APLP2: variants seen among roughly 807,000 people sequenced by gnomAD.
APLP2 encodes amyloid beta precursor like protein 2.
In APLP2, 53 loss-of-function variants were observed where a neutral mutation model predicts 89.9. That is an observed-to-expected ratio of 0.59 (90% CI 0.47 to 0.74). The LOEUF is 0.74. APLP2 is among the 30% of genes least tolerant of loss of function. APLP2 has a pLI of 0.00. For missense variants in APLP2, 973 were observed against 975.9 expected, an observed-to-expected ratio of 1.00 and a Z score of 0.04; for synonymous variants, 372 against 348.6, an observed-to-expected ratio of 1.07 and a Z score of -0.75.
intron 13 of APLP2, 96 bp from the exon 14 acceptor site, chr11:130,140,302 G>A: frequency 1.2e-6 from 1 of 859,264 alleles, no homozygotes; most frequent in Non-Finnish European, 1.8e-6. Flanking sequence ...CGTGTTGAGG[G>A]GCTCACTGGC....
At chr11:130,080,308 G>A (rs1280424141) in intron 1 of APLP2, among the ~76,000 whole-genome samples, 1 of 151,914 alleles carries the variant, frequency 6.6e-6, no homozygotes, top group African/African-American at 2.4e-5. Context: ...CTGGGTTCAG[G>A]TGCCTCCTGC....
At chr11:130,126,383 G>A (rs1366286308) in intron 7 of APLP2, among the ~76,000 whole-genome samples, 3 of 152,298 alleles carry the variant, frequency 2.0e-5, no homozygotes, top group East Asian at 3.9e-4. Context: ...AGGTTTCCAG[G>A]GTTCGAGCAC....
intron 4 of APLP2, 85 bp downstream of exon 4, chr11:130,120,903 T>C: frequency 1.1e-6 from 1 of 922,872 alleles, no homozygotes; most frequent in Non-Finnish European, 1.8e-6. Flanking sequence ...ACCATGCTTT[T>C]AAGTTAGTTA....
chr11:130,105,904 T>C (rs1947678444), intron 1 of APLP2, among the ~76,000 whole-genome samples: 2 of 152,076 alleles, frequency 1.3e-5, no homozygotes, highest in African/African-American at 2.4e-5. Flanking sequence ...GGTTTGTCCA[T>C]GTTGGTCAGT....
intron 3 of APLP2, among the ~76,000 whole-genome samples, chr11:130,117,304 G>A (rs1001804545): frequency 5.9e-5 from 9 of 152,216 alleles, no homozygotes; most frequent in East Asian, 1.9e-4. Flanking sequence ...TGGCATTTCC[G>A]AAAAGGTTTT....
At position 130,130,092 on chromosome 11, in the gene APLP2, C is replaced by T. The variant is rs775965049; in HGVS notation, c.1510C>T (p.Arg504Cys). ...RRYVRAENKD[R>C]LHTIRHYQHV... ...TTATGTCCGTGCTGAGAACAAAGAT[C>T]GCTTACATACCATCCGTCATTACCA... is the stretch of plus-strand genomic sequence containing the variant. The change falls in exon 11 of 17, where the codon CGC (arginine) becomes TGC (cysteine). Residue 504 changes from arginine (R) to cysteine (C), a missense_variant. Transcript: ENST00000338167. The T allele has an allele frequency of 6.8e-6, 11 of 1,614,110 alleles. No individual in the cohort carries two copies. Among genetic ancestry groups the T allele is most frequent in the Non-Finnish European group, 9.3e-6 (11 of 1,180,036 alleles).
chr11:130,097,659 CAG>C (rs976163175), intron 1 of APLP2, among the ~76,000 whole-genome samples: 68 of 152,226 alleles, frequency 4.5e-4, no homozygotes, highest in African/African-American at 1.6e-3. Flanking sequence ...GCCTGGGCGA[CAG>C]AGTGAAACTC....
intron 1 of APLP2, among the ~76,000 whole-genome samples, chr11:130,093,320 C>G (rs1591784531): frequency 6.6e-6 from 1 of 152,206 alleles, no homozygotes; most frequent in East Asian, 1.9e-4. Context: ...GAGAACAAAA[C>G]AAGAAGAAAA....
At position 130,070,025 on chromosome 11, in the gene APLP2, G is replaced by T. The variant is rs1182726686; in HGVS notation, c.48G>T (p.Leu16=). The T allele has an allele frequency of 2.0e-6, 3 of 1,513,562 alleles. No individual in the cohort carries two copies. The highest frequency in any genetic ancestry group is 5.5e-5 in the East Asian group (2 of 36,464). 93.8% of individuals were successfully genotyped at this position (1,513,562 alleles called of 1,614,324 possible). ...CCGCCGCAGCCACGGGCAGGCTCCT[G>T]CTTCTGCTGCTGGTGGGGCTCACGG... The part of the protein sequence containing the change: ...TAAAAATGRL[L]LLLLVGLTAP... The change falls in exon 1 of 17, where the codon CTG becomes CTT. Residue 16 remains leucine, a synonymous_variant. Transcript: ENST00000338167.
At chr11:130,085,164 A>G (rs1943911548) in intron 1 of APLP2, among the ~76,000 whole-genome samples, 1 of 151,534 alleles carries the variant, frequency 6.6e-6, no homozygotes, top group African/African-American at 2.4e-5. Context: ...AAAACCTCCC[A>G]ACAGGCTGAG....
intron 1 of APLP2, among the ~76,000 whole-genome samples, chr11:130,075,969 G>T (rs1258098150): frequency 6.6e-6 from 1 of 152,180 alleles, no homozygotes; most frequent in Non-Finnish European, 1.5e-5. Flanking sequence ...ACCCTTTGAA[G>T]TATGTAATTA....
intron 1 of APLP2, among the ~76,000 whole-genome samples, chr11:130,089,188 C>G (rs1213956369): frequency 3.3e-5 from 5 of 152,236 alleles, no homozygotes; most frequent in African/African-American, 1.2e-4. Flanking sequence ...CTGTCACTTT[C>G]CTATTCACAC....
intron 1 of APLP2, among the ~76,000 whole-genome samples, chr11:130,073,344 TTC>T (rs1007382215): frequency 2.0e-5 from 3 of 152,234 alleles, no homozygotes; most frequent in African/African-American, 7.2e-5. Flanking sequence ...CACATTGTAT[TTC>T]TGTTAGATGG....
At position 130,144,298 on chromosome 11, in the gene APLP2, G is replaced by C. The variant is rs1440567680; in HGVS notation, c.*850G>C. 2 of 152,254 alleles carry C rather than the reference G, an allele frequency of 1.3e-5. No individual in the cohort carries two copies. Among genetic ancestry groups the C allele is most frequent in the Admixed American group, 6.5e-5 (1 of 15,268 alleles). 9.4% of individuals were successfully genotyped at this position (152,254 alleles called of 1,614,324 possible). ...CCAGATGTGCAGGCTCCTCCTCTCT[G>C]GACTTTCTCCAAAGGCACTGACCCT... On this transcript the variant is annotated 3_prime_UTR_variant, in exon 17 of 17. Transcript: ENST00000338167.
intron 1 of APLP2, among the ~76,000 whole-genome samples, chr11:130,091,329 A>C (rs1399401007): frequency 8.2e-6 from 1 of 121,324 alleles, no homozygotes; most frequent in African/African-American, 3.5e-5. Flanking sequence ...TGACACCCCC[A>C]CCTCCCTCCC....
At position 130,122,505 on chromosome 11, in the gene APLP2, A is replaced by G; in HGVS notation, c.914A>G (p.Asp305Gly). The change falls in exon 6 of 17, where the codon GAT becomes GGT. Residue 305 changes from aspartate to glycine, a missense_variant. Asp to Gly is a moderately conservative substitution (Grantham distance 94). Transcript: ENST00000338167. ...ATGTCAGACAAGGAAATTACTCATGATGTCAAAGGTAACCCCATGTAGAGC... is the reference window on the plus strand; with the variant it reads ...ATGTCAGACAAGGAAATTACTCATGGTGTCAAAGGTAACCCCATGTAGAGC... Reference protein sequence around the residue: ...GTMSDKEITHDVKAVCSQEAM... With the variant: ...GTMSDKEITHGVKAVCSQEAM... 1.2e-6 allele frequency: 2 copies of G among 1,614,046 alleles called. No individual in the cohort carries two copies. Among genetic ancestry groups the G allele is most frequent in the Non-Finnish European group, 1.7e-6 (2 of 1,179,894 alleles).
chr11:130,109,369 G>A (rs1045824262), intron 1 of APLP2, 60 bp from the exon 2 acceptor site: 1 of 1,474,078 alleles, frequency 6.8e-7, no homozygotes, highest in Admixed American at 2.2e-5. Flanking sequence ...AGACCTGAAT[G>A]ACTGTTGCCT....
intron 7 of APLP2, among the ~76,000 whole-genome samples, chr11:130,125,160 T>TGA (rs1161575665): frequency 6.6e-6 from 1 of 152,238 alleles, no homozygotes; most frequent in East Asian, 1.9e-4. Flanking sequence ...TTGAAGGGGC[T>TGA]GAGGCTGGCG....
At chr11:130,133,607 T>C in intron 11 of APLP2, 22 bp from the exon 12 acceptor site, 1 of 1,592,098 alleles carries the variant, frequency 6.3e-7, no homozygotes, top group South Asian at 1.1e-5. Context: ...ACAACACCTC[T>C]CCACCATAAC....
Sources: gnomAD v4.1 joint callset for allele counts (sites outside exome capture counted in the v4.1 genomes callset) on GRCh38, gnomAD v4.1.1 for gene constraint, MANE v1.5 for transcripts, NCBI Gene and HGNC (gene_info 2026-07-23, HGNC 2026-07-21) for gene names.